The following PPA2 variants were observed in gnomAD, a reference collection of about 807,000 sequenced individuals.
PPA2 encodes the protein inorganic pyrophosphatase 2.
In PPA2, 48 loss-of-function variants were observed where a neutral mutation model predicts 49.5. The ratio of observed to expected loss-of-function variants is 0.97; its 90% CI spans 0.77 to 1.23. The LOEUF is 1.23. PPA2 is among the 50% of genes most tolerant of loss of function. The probability of loss-of-function intolerance (pLI) is 0.00; values close to 1 mark genes in which losing one functional copy is unlikely to be tolerated. For synonymous variants in PPA2, 131 were observed against 139.9 expected (o/e 0.94, Z 0.45); for missense variants, 429 against 410.1 (o/e 1.05, Z -0.40).
chr4:105,396,406 A>C, intron 8 of PPA2, 72 bp from the exon 9 acceptor site: 2 of 1,013,214 alleles, frequency 2.0e-6, no homozygotes, highest in Non-Finnish European at 2.9e-6. Context: ...CACAAAACTA[A>C]TCTTGTGATG....
chr4:105,451,133 A>G (rs1351863740), intron 3 of PPA2, among the ~76,000 whole-genome samples: 1 of 152,168 alleles, frequency 6.6e-6, no homozygotes, highest in Non-Finnish European at 1.5e-5. Flanking sequence ...TCTGAATTAA[A>G]TTGCTCTGGG....
chr4:105,392,013 A>G (rs1733941974), intron 9 of PPA2, among the ~76,000 whole-genome samples: 1 of 149,964 alleles, frequency 6.7e-6, no homozygotes, highest in Non-Finnish European at 1.5e-5. Flanking sequence ...AGACAGATGG[A>G]TCAAAATAAA....
chr4:105,461,796 T>C (rs1188279235), intron 1 of PPA2, among the ~76,000 whole-genome samples: 1 of 152,228 alleles, frequency 6.6e-6, no homozygotes, highest in East Asian at 1.9e-4. Flanking sequence ...GGAATTGTAC[T>C]AGATTTTGGA....
intron 9 of PPA2, among the ~76,000 whole-genome samples, chr4:105,393,759 T>C (rs1468543209): frequency 6.6e-6 from 1 of 151,510 alleles, no homozygotes; most frequent in Non-Finnish European, 1.5e-5. Flanking sequence ...GTGAGAAAAA[T>C]GGGTTTCAAA....
At chr4:105,450,481 A>C (rs1053034331) in intron 3 of PPA2, among the ~76,000 whole-genome samples, 2 of 151,282 alleles carry the variant, frequency 1.3e-5, no homozygotes, top group Non-Finnish European at 2.9e-5. Context: ...GGTTCAAGCA[A>C]TTCTCCTGCC....
intron 3 of PPA2, among the ~76,000 whole-genome samples, chr4:105,452,405 G>A (rs1412494000): frequency 6.6e-6 from 1 of 152,122 alleles, no homozygotes; most frequent in African/African-American, 2.4e-5. Flanking sequence ...CAAACTTCAC[G>A]TTTAGGATGC....
chr4:105,473,872 C>T, intron 1 of PPA2, 22 bp downstream of exon 1: 1 of 1,577,982 alleles, frequency 6.3e-7, no homozygotes, highest in Non-Finnish European at 8.6e-7. Context: ...CGCCGCTCGG[C>T]GAACCTCCGG....
intron 6 of PPA2, among the ~76,000 whole-genome samples, chr4:105,424,695 G>T (rs551100474): frequency 6.6e-6 from 1 of 152,094 alleles, no homozygotes; most frequent in African/African-American, 2.4e-5. Context: ...CTGGTTTTCT[G>T]CTCAATACAC....
intron 3 of PPA2, 108 bp downstream of exon 3, chr4:105,453,490 C>T (rs778875453): frequency 4.6e-5 from 36 of 776,128 alleles, no homozygotes; most frequent in Non-Finnish European, 6.2e-5. Flanking sequence ...ACATGAAAGT[C>T]TTGCAGGGGT....
chr4:105,434,623 T>A (rs1723962055), intron 6 of PPA2, among the ~76,000 whole-genome samples: 1 of 152,210 alleles, frequency 6.6e-6, no homozygotes, highest in African/African-American at 2.4e-5. Context: ...TTCCTGGAAA[T>A]CACATATAGC....
chr4:105,436,102 G>A (rs1345889803), intron 6 of PPA2, among the ~76,000 whole-genome samples: 2 of 152,006 alleles, frequency 1.3e-5, no homozygotes, highest in East Asian at 1.9e-4. Context: ...AAACAACTTC[G>A]ATAAAGTTTA....
chr4:105,396,416 G>A (rs1334626908), intron 8 of PPA2, 82 bp from the exon 9 acceptor site: 1 of 950,006 alleles, frequency 1.1e-6, no homozygotes, highest in Non-Finnish European at 1.6e-6. Flanking sequence ...ATCTTGTGAT[G>A]ACAGTTAATT....
intron 2 of PPA2, among the ~76,000 whole-genome samples, chr4:105,455,311 C>A (rs1722835268): frequency 6.6e-6 from 1 of 152,180 alleles, no homozygotes; most frequent in African/African-American, 2.4e-5. Flanking sequence ...AACACATATA[C>A]ACACGCACTT....
At chr4:105,441,612 T>C (rs576393109) in intron 5 of PPA2, among the ~76,000 whole-genome samples, 1 of 151,894 alleles carries the variant, frequency 6.6e-6, no homozygotes, top group African/African-American at 2.4e-5. Context: ...AACTCAAAAT[T>C]TGACTAACAG....
Position 105,456,753 on chromosome 4 carries a change from G to A in PPA2, c.158-8C>T. The A allele has an allele frequency of 1.3e-6, 2 of 1,595,170 alleles. No homozygotes were observed. The highest frequency in any genetic ancestry group is 1.7e-6 in the Non-Finnish European group (2 of 1,168,316). On this transcript the variant is annotated splice_region_variant and splice_polypyrimidine_tract_variant and intron_variant, in intron 1 of 11. Coordinates refer to ENST00000341695, the MANE Select transcript of PPA2 (RefSeq NM_176869.3). ...AGTGACCAGTTACATTCTCTGCAAA[G>A]ACACAAACAAACAAAACAAAACAGA...
At chr4:105,379,851 C>T (rs1470385924) in intron 10 of PPA2, among the ~76,000 whole-genome samples, 1 of 152,076 alleles carries the variant, frequency 6.6e-6, no homozygotes, top group African/African-American at 2.4e-5. Context: ...CTAGGCTGGT[C>T]TTGAACTCCT....
chr4:105,425,653 T>C (rs1298101958), intron 6 of PPA2, among the ~76,000 whole-genome samples: 1 of 151,468 alleles, frequency 6.6e-6, no homozygotes, highest in African/African-American at 2.4e-5. Flanking sequence ...TTTGAATAAA[T>C]AACGTCCAAA....
intron 10 of PPA2, among the ~76,000 whole-genome samples, chr4:105,376,906 G>A (rs1358206923): frequency 6.6e-6 from 1 of 152,152 alleles, no homozygotes; most frequent in Non-Finnish European, 1.5e-5. Context: ...CCAAGTATTA[G>A]AGAACCTCAC....
chr4:105,439,753 G>A (rs1724252857), intron 5 of PPA2, among the ~76,000 whole-genome samples: 1 of 151,858 alleles, frequency 6.6e-6, no homozygotes, highest in Non-Finnish European at 1.5e-5. Context: ...TGTTACATAT[G>A]TATACATGTG....
Sources: allele counts gnomAD v4.1 joint callset (sites outside exome capture counted in the v4.1 genomes callset), GRCh38; gene constraint gnomAD v4.1.1; transcripts MANE v1.5; gene names NCBI Gene and HGNC (gene_info 2026-07-23, HGNC 2026-07-21).